CAMK4: variants seen among roughly 807,000 people sequenced by gnomAD.
CAMK4 encodes calcium/calmodulin dependent protein kinase IV, also known as calcium/calmodulin-dependent protein kinase type IV.
In CAMK4, 22 loss-of-function variants were observed where a neutral mutation model predicts 44.9. The observed-to-expected ratio is 0.49, with a 90% confidence interval of 0.35 to 0.70. CAMK4 has a LOEUF of 0.70. Ranked by LOEUF, CAMK4 falls within the 30% of genes least tolerant of loss-of-function variation. CAMK4 has a pLI of 0.01. For synonymous variants in CAMK4, 218 were observed against 215.4 expected (o/e 1.01, Z -0.11); for missense variants, 498 against 586.8 (o/e 0.85, Z 1.56).
At chr5:111,458,367 G>A (rs1754494415) in intron 7 of CAMK4, among the ~76,000 whole-genome samples, 1 of 152,182 alleles carries the variant, frequency 6.6e-6, no homozygotes, top group African/African-American at 2.4e-5. Context: ...GAAGAAAACT[G>A]CGTCTTTGGA....
intron 5 of CAMK4, among the ~76,000 whole-genome samples, chr5:111,443,988 C>T (rs922724178): frequency 2.6e-5 from 4 of 152,186 alleles, no homozygotes; most frequent in African/African-American, 4.8e-5. Flanking sequence ...GGGTATCATT[C>T]GTGGTCGAGC....
Position 111,381,969 on chromosome 5 carries a change from T to G in CAMK4, c.386+5027T>G, listed in dbSNP as rs534513555. On this transcript the variant is annotated intron_variant, in intron 4 of 10. Coordinates refer to ENST00000282356, the MANE Select transcript of CAMK4 (RefSeq NM_001744.6). The stretch of plus-strand genomic sequence containing the variant: ...ATCTTCCCAGTCGAGGCAACCAGAC[T>G]GTCTTCTGATCCAATCCTTTCCTTC... Among the ~76,000 whole-genome samples the G allele has an allele frequency of 3.3e-5, 5 of 152,222 alleles. No homozygotes were observed. In the East Asian group the frequency reaches 9.7e-4, roughly 29 times the overall value.
At chr5:111,286,121 G>A (rs956503965) in intron 1 of CAMK4, among the ~76,000 whole-genome samples, 4 of 152,194 alleles carry the variant, frequency 2.6e-5, no homozygotes, top group Non-Finnish European at 5.9e-5. Context: ...AAAATTCAGT[G>A]AAACCCATAT....
At chr5:111,419,070 A>G (rs371951318) in intron 5 of CAMK4, among the ~76,000 whole-genome samples, 12 of 151,944 alleles carry the variant, frequency 7.9e-5, no homozygotes, top group African/African-American at 1.9e-4. Context: ...CAGTGTAAAA[A>G]TGTTCCTATT....
chr5:111,334,174 A>G (rs1377923180), intron 1 of CAMK4, among the ~76,000 whole-genome samples: 1 of 151,578 alleles, frequency 6.6e-6, no homozygotes, highest in African/African-American at 2.4e-5. Flanking sequence ...TTAGGAGTGT[A>G]ATATTTAACT....
chr5:111,297,073 C>T (rs952453697), intron 1 of CAMK4, among the ~76,000 whole-genome samples: 1 of 152,200 alleles, frequency 6.6e-6, no homozygotes, highest in Non-Finnish European at 1.5e-5. Context: ...CCACCTTGCT[C>T]TTAAGCTCCT....
chr5:111,371,125 C>A (rs1750989843), intron 2 of CAMK4, among the ~76,000 whole-genome samples: 1 of 152,038 alleles, frequency 6.6e-6, no homozygotes, highest in African/African-American at 2.4e-5. Context: ...CTTTTAGAGT[C>A]TTTTGCTGCC....
chr5:111,459,852 G>C (rs116418126), intron 7 of CAMK4, among the ~76,000 whole-genome samples: 1 of 151,734 alleles, frequency 6.6e-6, no homozygotes. Context: ...ACAGGTGCCC[G>C]AGACAGTCTT....
intron 2 of CAMK4, 41 bp from the exon 3 acceptor site, chr5:111,374,809 G>C: frequency 8.3e-7 from 1 of 1,211,852 alleles, no homozygotes; most frequent in Non-Finnish European, 1.2e-6. Context: ...CAATGAAGGG[G>C]GGAGTTTCTT....
intron 1 of CAMK4, among the ~76,000 whole-genome samples, chr5:111,335,581 G>A (rs1162252873): frequency 6.6e-6 from 1 of 151,326 alleles, no homozygotes; most frequent in Non-Finnish European, 1.5e-5. Flanking sequence ...TAGGCGTGAG[G>A]AGCATGTTAA....
intron 1 of CAMK4, among the ~76,000 whole-genome samples, chr5:111,257,166 T>C (rs956365072): frequency 6.6e-6 from 1 of 152,166 alleles, no homozygotes; most frequent in Non-Finnish European, 1.5e-5. Context: ...CTAATTAAAC[T>C]AAAGATCTTC....
chr5:111,373,021 G>A (rs1751071110), intron 2 of CAMK4, among the ~76,000 whole-genome samples: 1 of 152,132 alleles, frequency 6.6e-6, no homozygotes, highest in Non-Finnish European at 1.5e-5. Flanking sequence ...TATGTGGGAT[G>A]TTTGTAAATA....
At chr5:111,227,971 T>G (rs1214653517) in intron 1 of CAMK4, among the ~76,000 whole-genome samples, 1 of 152,186 alleles carries the variant, frequency 6.6e-6, no homozygotes, top group Non-Finnish European at 1.5e-5. Flanking sequence ...TTTAAAGGCT[T>G]TTCTGAGGGA....
intron 1 of CAMK4, among the ~76,000 whole-genome samples, chr5:111,264,859 T>C (rs1175745348): frequency 1.3e-5 from 2 of 152,154 alleles, no homozygotes; most frequent in African/African-American, 4.8e-5. Context: ...GTTTGCTTGA[T>C]GCTGATACTA....
intron 1 of CAMK4, among the ~76,000 whole-genome samples, chr5:111,252,000 T>C (rs1749521676): frequency 6.6e-6 from 1 of 152,218 alleles, no homozygotes. Flanking sequence ...TGCGTCTCTG[T>C]ACATTTTCTT....
chr5:111,429,777 CAA>C (rs70973607), intron 5 of CAMK4, among the ~76,000 whole-genome samples: 118 of 26,276 alleles, frequency 4.5e-3, no homozygotes, highest in African/African-American at 0.017. Flanking sequence ...GACCTCATCT[CAA>C]AAAAAAAAAA....
chr5:111,412,996 C>T (rs1197309534), intron 5 of CAMK4, among the ~76,000 whole-genome samples: 1 of 152,162 alleles, frequency 6.6e-6, no homozygotes, highest in Non-Finnish European at 1.5e-5. Flanking sequence ...CTTCAAGAAG[C>T]AGTAATTCTT....
intron 7 of CAMK4, among the ~76,000 whole-genome samples, chr5:111,458,813 G>A (rs746622730): frequency 1.3e-5 from 2 of 152,136 alleles, no homozygotes; most frequent in Non-Finnish European, 2.9e-5. Flanking sequence ...CTAATCCTGA[G>A]GCAAGAACAC....
At position 111,490,912 on chromosome 5, in the gene CAMK4, G is replaced by A. The variant is rs1755798566; in HGVS notation, c.*6446G>A. ...TGTGTTTCTTTCAACATTTTTCAAT[G>A]TCTTGTGAGTTTAGTGAGTGGGTAC... is the stretch of plus-strand genomic sequence containing the variant. On this transcript the variant is annotated 3_prime_UTR_variant, in exon 11 of 11. Transcript: ENST00000282356. 2 of 152,120 alleles carry A rather than the reference G, an allele frequency of 1.3e-5. No individual in the cohort carries two copies. Among genetic ancestry groups the A allele is most frequent in the Admixed American group, 1.3e-4 (2 of 15,270 alleles). 9.4% of individuals were successfully genotyped at this position (152,120 alleles called of 1,614,324 possible).
Sources: allele counts gnomAD v4.1 joint callset (sites outside exome capture counted in the v4.1 genomes callset), GRCh38; gene constraint gnomAD v4.1.1; transcripts MANE v1.5; gene names NCBI Gene and HGNC (gene_info 2026-07-23, HGNC 2026-07-21).